TET2: variants seen among roughly 807,000 people sequenced by gnomAD.
TET2 encodes the protein tet methylcytosine dioxygenase 2, also known as methylcytosine dioxygenase TET2.
A neutral mutation model predicts 142.9 loss-of-function variants in TET2; 299 were observed. The ratio of observed to expected loss-of-function variants is 2.09; its 90% CI spans 1.90 to 2.30. The LOEUF (loss-of-function observed/expected upper bound fraction) is 2.30. Among genes scored for constraint, TET2 ranks in the 30% most tolerant of loss-of-function variants. The pLI is 0.00. For missense variants in TET2, 2,418 were observed against 2,378.0 expected (o/e 1.02, Z -0.35); for synonymous variants, 819 against 849.0 (o/e 0.96, Z 0.61).
intron 1 of TET2, among the ~76,000 whole-genome samples, chr4:105,175,074 G>A (rs774609269): frequency 4.6e-5 from 7 of 152,130 alleles, no homozygotes; most frequent in Non-Finnish European, 1.0e-4. Context: ...CAAATTATAA[G>A]GCTACAGAAT....
Position 105,272,740 on chromosome 4 carries a change from AGTCAGGATGTTAGC to A in TET2, c.4360_4373del (p.Val1454ArgfsTer19). On this transcript the variant is annotated frameshift_variant, in exon 10 of 11. Coordinates refer to ENST00000380013, the MANE Select transcript of TET2 (RefSeq NM_001127208.3). LOFTEE classifies it high-confidence loss of function. ...AGGTACTGAGTTCTTTTCGGCGAAA[AGTCAGGATGTTAGC>A]AGAGCCAGTCAAGACTTGCCGACAA... is the stretch of plus-strand genomic sequence containing the variant. 1 of 1,551,712 alleles carries A rather than the reference AGTCAGGATGTTAGC, an allele frequency of 6.4e-7. No homozygotes were observed. The highest frequency in any genetic ancestry group is 8.7e-7 in the Non-Finnish European group (1 of 1,146,988).
chr4:105,254,816 A>C (rs1314548825), intron 6 of TET2, among the ~76,000 whole-genome samples: 1 of 152,154 alleles, frequency 6.6e-6, no homozygotes, highest in Non-Finnish European at 1.5e-5. Context: ...TCTAGTATTC[A>C]TTGTGAGAAC....
intron 1 of TET2, among the ~76,000 whole-genome samples, chr4:105,152,394 A>G (rs1017532374): frequency 1.3e-5 from 2 of 152,078 alleles, no homozygotes; most frequent in Non-Finnish European, 2.9e-5. Flanking sequence ...AATACTACAA[A>G]TGTTTCTTTC....
intron 3 of TET2, chr4:105,239,805 A>G (rs373431247): frequency 9.1e-5 from 21 of 230,124 alleles, no homozygotes; most frequent in East Asian, 6.2e-4. Context: ...GGCTTTTGAC[A>G]TGCCTTCCTC....
chr4:105,159,754 G>C (rs904326974), intron 1 of TET2, among the ~76,000 whole-genome samples: 1 of 152,094 alleles, frequency 6.6e-6, no homozygotes, highest in African/African-American at 2.4e-5. Context: ...GATGGCTCAC[G>C]CCTGTAATCC....
intron 6 of TET2, among the ~76,000 whole-genome samples, chr4:105,254,070 A>C (rs1578707838): frequency 6.6e-6 from 1 of 152,196 alleles, no homozygotes; most frequent in Admixed American, 6.5e-5. Flanking sequence ...CATGGTTGCT[A>C]TTAGTCTGTA....
intron 1 of TET2, among the ~76,000 whole-genome samples, chr4:105,164,355 G>A (rs536314477): frequency 3.9e-5 from 6 of 152,270 alleles, no homozygotes; most frequent in East Asian, 3.9e-4. Context: ...GGTTGCCTTA[G>A]CATTTGTGAA....
At chr4:105,193,338 A>T (rs1477561347) in intron 2 of TET2, among the ~76,000 whole-genome samples, 1 of 152,174 alleles carries the variant, frequency 6.6e-6, no homozygotes. Flanking sequence ...TATAAAGTTC[A>T]TGTTGGCAAA....
chr4:105,147,570 G>A (rs1299868786), intron 1 of TET2: 2 of 151,438 alleles, frequency 1.3e-5, no homozygotes, highest in Admixed American at 6.6e-5. Context: ...AGTACACTGA[G>A]TGGGTTTTTT....
chr4:105,240,689 C>G, intron 3 of TET2: 3 of 1,080,414 alleles, frequency 2.8e-6, no homozygotes, highest in Non-Finnish European at 3.4e-6. Context: ...CTTCTCTTAT[C>G]ACCCACCCCT....
chr4:105,243,311 G>T (rs1029312897), intron 5 of TET2, among the ~76,000 whole-genome samples: 1 of 152,012 alleles, frequency 6.6e-6, no homozygotes, highest in Non-Finnish European at 1.5e-5. Flanking sequence ...GCATTTAATT[G>T]TCCCCACTGT....
intron 2 of TET2, among the ~76,000 whole-genome samples, chr4:105,213,411 G>A (rs959235082): frequency 1.3e-5 from 2 of 152,254 alleles, no homozygotes; most frequent in Non-Finnish European, 1.5e-5. Context: ...AAACTTACAG[G>A]ATTATGCTTC....
Position 105,276,556 on chromosome 4 carries a change from A to G in TET2, c.*37A>G, listed in dbSNP as rs755557335. ...TTTGTTGGTTACCTCACTTGAAAAG[A>G]CCACAACCAACCTGTCAGTAGTATA... On this transcript the variant is annotated 3_prime_UTR_variant, in exon 11 of 11. Transcript: ENST00000380013. 4 of 1,524,818 alleles carry G rather than the reference A, an allele frequency of 2.6e-6. No individual in the cohort carries two copies. The South Asian group carries it at 5.0e-5, about 19-fold the overall frequency. 94.5% of individuals were successfully genotyped at this position (1,524,818 alleles called of 1,614,324 possible).
At position 105,277,677 on chromosome 4, in the gene TET2, C is replaced by T. The variant is rs1466057221; in HGVS notation, c.*1158C>T. 1 of 229,302 alleles carries T rather than the reference C, an allele frequency of 4.4e-6. No homozygotes were observed. Among genetic ancestry groups the T allele is most frequent in the Non-Finnish European group, 8.6e-6 (1 of 115,636 alleles). The allele number at this position is 229,302 out of a possible 1,614,324, so 14.2% of individuals were successfully genotyped here. ...TCCACAAAACATGTTTTCTGGTGCTCATCTCACATGCTATACTGTAAAACA... is the reference window on the plus strand; with the variant it reads ...TCCACAAAACATGTTTTCTGGTGCTTATCTCACATGCTATACTGTAAAACA... On this transcript the variant is annotated 3_prime_UTR_variant, in exon 11 of 11. Coordinates refer to ENST00000380013, the MANE Select transcript of TET2 (RefSeq NM_001127208.3).
chr4:105,255,482 A>G (rs1730076907), intron 6 of TET2, among the ~76,000 whole-genome samples: 1 of 152,230 alleles, frequency 6.6e-6, no homozygotes, highest in Non-Finnish European at 1.5e-5. Flanking sequence ...CATGTTTTAT[A>G]GATGTCTGTT....
intron 2 of TET2, among the ~76,000 whole-genome samples, chr4:105,200,311 CAT>C (rs150794197): frequency 0.041 from 6,247 of 152,172 alleles, 439 homozygotes; most frequent in African/African-American, 0.14. Context: ...AGCTTTATTT[CAT>C]ATGTTTGTTG....
intron 1 of TET2, among the ~76,000 whole-genome samples, chr4:105,152,461 A>G (rs1456268720): frequency 1.3e-5 from 2 of 151,958 alleles, no homozygotes; most frequent in Non-Finnish European, 2.9e-5. Context: ...ATGTCTTTCT[A>G]TTCCCTAATA....
rs569779958 is a variant in TET2, at chr4:105,190,502, G to A, written c.-50G>A. The A allele has an allele frequency of 2.8e-6, 2 of 701,950 alleles. No individual in the cohort carries two copies. Among genetic ancestry groups the A allele is most frequent in the East Asian group, 5.4e-5 (2 of 37,272 alleles). 43.5% of individuals were successfully genotyped at this position (701,950 alleles called of 1,614,324 possible). A position where few individuals can be genotyped will look rare whatever the true frequency, so the allele number is the denominator to read the frequency against. Reference sequence around the variant, plus strand: ...AGGAAGAGCAGTAAGGGACTGAGCTGCTGGTAAGACAGTGGAGACAGTTGA... The same window carrying A: ...AGGAAGAGCAGTAAGGGACTGAGCTACTGGTAAGACAGTGGAGACAGTTGA... On this transcript the variant is annotated 5_prime_UTR_variant, in exon 2 of 11. Coordinates refer to ENST00000380013, the MANE Select transcript of TET2 (RefSeq NM_001127208.3).
At chr4:105,152,488 T>A (rs1723353375) in intron 1 of TET2, among the ~76,000 whole-genome samples, 1 of 151,906 alleles carries the variant, frequency 6.6e-6, no homozygotes, top group Non-Finnish European at 1.5e-5. Flanking sequence ...ACTGTTGACC[T>A]CTCAGTCAAT....
Sources: allele counts gnomAD v4.1 joint callset (sites outside exome capture counted in the v4.1 genomes callset), GRCh38; gene constraint gnomAD v4.1.1; transcripts MANE v1.5; gene names NCBI Gene and HGNC (gene_info 2026-07-23, HGNC 2026-07-21).